SNRNP200: variants seen among roughly 807,000 people sequenced by gnomAD.
The protein encoded by SNRNP200 is U5 small nuclear ribonucleoprotein 200 kDa helicase.
In SNRNP200, 66 loss-of-function variants were observed where a neutral mutation model predicts 255.2. That is an observed-to-expected ratio of 0.26 (90% CI 0.21 to 0.32). The LOEUF (loss-of-function observed/expected upper bound fraction) is 0.32, where lower values mean the gene tolerates loss of function less well. SNRNP200 is among the 10% of genes least tolerant of loss of function. The probability of loss-of-function intolerance (pLI) is 1.00; values close to 1 mark genes in which losing one functional copy is unlikely to be tolerated. For missense variants in SNRNP200, 1,585 were observed against 2,749.8 expected (o/e 0.58, Z 9.47); for synonymous variants, 939 against 1,027.8 (o/e 0.91, Z 1.65).
rs1481866773 is a variant in SNRNP200, at chr2:96,278,563, G to A, written c.5472C>T (p.Ile1824=). 2 of 1,613,948 alleles carry A rather than the reference G, an allele frequency of 1.2e-6. No homozygotes were observed. Among genetic ancestry groups the A allele is most frequent in the Middle Eastern group, 1.6e-4 (1 of 6,084 alleles). ...NLGMIAAYYY[I]NYTTIELFSM... ...GGGCCTCACCAATGGTGGTGTAGTT[G>A]ATGTAATAGTAGGCGGCGATCATGC... The change falls in exon 38 of 45, where the codon ATC becomes ATT. Residue 1824 remains isoleucine, a synonymous_variant. Coordinates refer to ENST00000323853, the MANE Select transcript of SNRNP200 (RefSeq NM_014014.5). The surrounding 1 kb of genome is among the most constrained non-coding windows in gnomAD (Gnocchi z 6.9).
Position 96,286,870 on chromosome 2 carries a change from C to T in SNRNP200, c.3647G>A (p.Gly1216Asp), listed in dbSNP as rs749613131. Residue 1216 changes from glycine (G) to aspartate (D), a missense_variant, in exon 28 of 45, where the codon GGT becomes GAT. This residue lies in a region of SNRNP200 where 719 missense variants were observed against 1,091.1 expected (regional missense o/e 0.66). Coordinates refer to ENST00000323853, the MANE Select transcript of SNRNP200 (RefSeq NM_014014.5). This position sits in a 1 kb window ranked among gnomAD's most constrained non-coding sequence, Gnocchi z 4.8. ...PDFQWDEKVH[G>D]SSEAFWILVE... ...CAGAATCCAAAAAGCCTCGGATGAACCATGCACCTGCCAACAGGAGCAAGG... is the reference window on the plus strand; with the variant it reads ...CAGAATCCAAAAAGCCTCGGATGAATCATGCACCTGCCAACAGGAGCAAGG... The T allele has an allele frequency of 1.2e-6, 2 of 1,614,188 alleles. No homozygotes were observed. Among genetic ancestry groups the T allele is most frequent in the South Asian group, 2.2e-5 (2 of 91,076 alleles).
chr2:96,295,420 G>C (rs766743536), intron 14 of SNRNP200, 68 bp downstream of exon 14: 2 of 1,582,634 alleles, frequency 1.3e-6, no homozygotes, highest in Non-Finnish European at 1.7e-6. Flanking sequence ...GAAACATTTC[G>C]CATGAAAACC....
At chr2:96,282,272 G>C in intron 34 of SNRNP200, 1 of 312,796 alleles carries the variant, frequency 3.2e-6, no homozygotes, top group Middle Eastern at 3.9e-4. Flanking sequence ...GCAAAACAGA[G>C]ATCACTCTAA....
At chr2:96,292,039 C>A in intron 16 of SNRNP200, 139 bp from the exon 17 acceptor site, 1 of 914,060 alleles carries the variant, frequency 1.1e-6, no homozygotes, top group East Asian at 2.5e-5. Flanking sequence ...TGTGCAGGCT[C>A]AGAGGAAGCC....
Position 96,278,798 on chromosome 2 carries a change from A to C in SNRNP200, c.5323+11T>G, listed in dbSNP as rs1020134402. Reference sequence around the variant, plus strand: ...CACCAAAGGATCACGTGTGCTCCCAAGCCCACTGACCCTGCAGGTTGTAGT... The same window carrying C: ...CACCAAAGGATCACGTGTGCTCCCACGCCCACTGACCCTGCAGGTTGTAGT... On this transcript the variant is annotated intron_variant, in intron 37 of 44. Transcript: ENST00000323853. The surrounding 1 kb of genome is among the most constrained non-coding windows in gnomAD (Gnocchi z 6.9). 1 of 1,614,072 alleles carries C rather than the reference A, an allele frequency of 6.2e-7. No homozygotes were observed. Among genetic ancestry groups the C allele is most frequent in the African/African-American group, 1.3e-5 (1 of 74,918 alleles).
At chr2:96,301,454 G>A (rs2063951564) in intron 4 of SNRNP200, 70 bp downstream of exon 4, 1 of 1,462,928 alleles carries the variant, frequency 6.8e-7, no homozygotes, top group African/African-American at 1.4e-5. Context: ...AATGAATGAT[G>A]CTAGAAGATG....
rs565518509 is a variant in SNRNP200, at chr2:96,274,656, A to T, written c.*356T>A. The T allele has an allele frequency of 2.0e-5, 7 of 357,666 alleles. No homozygotes were observed. The highest frequency in any genetic ancestry group is 4.0e-5 in the Admixed American group (1 of 24,754). The allele number at this position is 357,666 out of a possible 1,614,324, so 22.2% of individuals were successfully genotyped here. ...TAACAAGCACGTTCCTGGCTAAAAAATAACCAGATCTTTTTGGCCGTGCCC... is the reference window on the plus strand; with the variant it reads ...TAACAAGCACGTTCCTGGCTAAAAATTAACCAGATCTTTTTGGCCGTGCCC... On this transcript the variant is annotated 3_prime_UTR_variant, in exon 45 of 45. Transcript: ENST00000323853.
chr2:96,285,516 C>A lies in SNRNP200; in HGVS notation c.4004-176G>T, dbSNP rs1415315173. The A allele has an allele frequency of 5.9e-6, 4 of 674,660 alleles. No individual in the cohort carries two copies. The Admixed American group carries it at 9.4e-5, about 16-fold the overall frequency. 41.8% of individuals were successfully genotyped at this position (674,660 alleles called of 1,614,324 possible). A position where few individuals can be genotyped will look rare whatever the true frequency, so the allele number is the denominator to read the frequency against. On this transcript the variant is annotated intron_variant, in intron 29 of 44. Transcript: ENST00000323853. ...CTAACTCCAGGCCAGCCCTACTGTA[C>A]CCCCTTACCTGCTCCCACTTAACAG... is the stretch of plus-strand genomic sequence containing the variant.
Position 96,283,258 on chromosome 2 carries a change from G to A in SNRNP200, c.4858C>T (p.Leu1620=). The A allele has an allele frequency of 6.2e-7, 1 of 1,614,166 alleles. No homozygotes were observed. The highest frequency in any genetic ancestry group is 1.1e-5 in the South Asian group (1 of 91,086). The part of the protein sequence containing the change: ...KETLLNGVGY[L]HEGLSPMERR... ...TCCATGGGGCTGAGCCCCTCATGCA[G>A]GTAGCCCACCCCATTTAGCAGCGTT... Residue 1620 remains leucine, a synonymous_variant, in exon 34 of 45, where the codon CTG becomes TTG. Transcript: ENST00000323853. The surrounding 1 kb of genome is among the most constrained non-coding windows in gnomAD (Gnocchi z 4.7).
At chr2:96,298,546 T>C (rs980873961) in intron 8 of SNRNP200, 57 bp downstream of exon 8, 5 of 1,601,536 alleles carry the variant, frequency 3.1e-6, no homozygotes, top group Non-Finnish European at 2.6e-6. Flanking sequence ...AGAATCTCTA[T>C]GTCACACATG....
intron 43 of SNRNP200, chr2:96,276,421 T>G (rs1684661773): frequency 7.7e-6 from 1 of 130,586 alleles, no homozygotes. Flanking sequence ...GTCATCTAAA[T>G]TTTTTTTTTT....
chr2:96,277,742 G>GGGC lies in SNRNP200; in HGVS notation c.5755-30_5755-28dup, dbSNP rs1393294781. 1 of 1,614,004 alleles carries GGGC rather than the reference G, an allele frequency of 6.2e-7. No individual in the cohort carries two copies. The highest frequency in any genetic ancestry group is 8.5e-7 in the Non-Finnish European group (1 of 1,180,030). On this transcript the variant is annotated intron_variant, in intron 40 of 44. Coordinates refer to ENST00000323853, the MANE Select transcript of SNRNP200 (RefSeq NM_014014.5). The surrounding 1 kb of genome is among the most constrained non-coding windows in gnomAD (Gnocchi z 4.4). ...TGAACAGGAAAAGGAGTATAAAAGT[G>GGGC]GGCGGAGTTGGAGCTGAGATGTTTA... is the stretch of plus-strand genomic sequence containing the variant.
At chr2:96,289,552 G>A (rs1409468039) in intron 21 of SNRNP200, among the ~76,000 whole-genome samples, 173 bp from the exon 22 acceptor site, 2 of 152,212 alleles carry the variant, frequency 1.3e-5, no homozygotes, top group East Asian at 3.9e-4. Flanking sequence ...AGCAGTACAA[G>A]TGCCAGGCCC....
At position 96,297,496 on chromosome 2, in the gene SNRNP200, A is replaced by G; in HGVS notation, c.1244T>C (p.Val415Ala). The change falls in exon 11 of 45, where the codon GTT becomes GCT. Residue 415 changes from valine to alanine, a missense_variant. Physicochemically the swap from Val to Ala is moderately conservative, Grantham distance 64. Transcript: ENST00000323853. ...PRQVLDLEDL[V>A]FTQGSHFMAN... ...CATAAAGTGGCTCCCTTGGGTAAAAACCAGGTCCTCCAAGTCCAGAACCTG... is the reference window on the plus strand; with the variant it reads ...CATAAAGTGGCTCCCTTGGGTAAAAGCCAGGTCCTCCAAGTCCAGAACCTG... 6.2e-7 allele frequency: 1 copy of G among 1,614,090 alleles called. No homozygotes were observed. Among genetic ancestry groups the G allele is most frequent in the Non-Finnish European group, 8.5e-7 (1 of 1,179,994 alleles).
intron 34 of SNRNP200, 200 bp from the exon 35 acceptor site, chr2:96,282,122 G>A (rs2063802539): frequency 5.3e-6 from 3 of 564,978 alleles, no homozygotes; most frequent in South Asian, 3.9e-5. Context: ...CTTGCTCTGG[G>A]ACTATCCAGG....
At position 96,287,703 on chromosome 2, in the gene SNRNP200, A is replaced by C; in HGVS notation, c.3366-146T>G. On this transcript the variant is annotated intron_variant, in intron 25 of 44. Coordinates refer to ENST00000323853, the MANE Select transcript of SNRNP200 (RefSeq NM_014014.5). The surrounding 1 kb of genome is among the most constrained non-coding windows in gnomAD (Gnocchi z 5.7). The stretch of plus-strand genomic sequence containing the variant: ...TGACACTGTGCCAGCCCTGGCCTCC[A>C]CCACAGAGGGCCTTCCCTCTTCTCA... The C allele has an allele frequency of 2.2e-6, 2 of 922,108 alleles. No individual in the cohort carries two copies. Among genetic ancestry groups the C allele is most frequent in the Non-Finnish European group, 3.6e-6 (2 of 551,334 alleles). The allele number at this position is 922,108 out of a possible 1,614,324, so 57.1% of individuals were successfully genotyped here.
chr2:96,297,238 A>T lies in SNRNP200; in HGVS notation c.1377+125T>A. ...CCTGGGCTCAAAATCAGAATGGGAAAATTCTGTTGCAGCTTTCAGCCCTGA... is the reference window on the plus strand; with the variant it reads ...CCTGGGCTCAAAATCAGAATGGGAATATTCTGTTGCAGCTTTCAGCCCTGA... On this transcript the variant is annotated intron_variant, in intron 11 of 44. Coordinates refer to ENST00000323853, the MANE Select transcript of SNRNP200 (RefSeq NM_014014.5). 2.7e-6 allele frequency: 4 copies of T among 1,505,800 alleles called. No individual in the cohort carries two copies. In the South Asian group the frequency reaches 4.6e-5, roughly 17 times the overall value. 93.3% of individuals were successfully genotyped at this position (1,505,800 alleles called of 1,614,324 possible). A position where few individuals can be genotyped will look rare whatever the true frequency, so the allele number is the denominator to read the frequency against.
At chr2:96,297,262 G>A in intron 11 of SNRNP200, 101 bp downstream of exon 11, 2 of 1,548,872 alleles carry the variant, frequency 1.3e-6, no homozygotes, top group Non-Finnish European at 1.8e-6. Flanking sequence ...TTTCAGCCCT[G>A]AAATAAACTA....
chr2:96,303,071 A>T, intron 3 of SNRNP200, 88 bp downstream of exon 3: 1 of 1,404,276 alleles, frequency 7.1e-7, no homozygotes, highest in Non-Finnish European at 1.0e-6. Flanking sequence ...AAAGATACTT[A>T]GCACTTCGAA....
Sources: allele counts gnomAD v4.1 joint callset (sites outside exome capture counted in the v4.1 genomes callset), GRCh38; gene constraint gnomAD v4.1.1; regional missense constraint gnomAD v4.1.1; non-coding constraint Gnocchi (gnomAD v3.1); transcripts MANE v1.5; gene names NCBI Gene and HGNC (gene_info 2026-07-23, HGNC 2026-07-21).